Variants in WWOX observed in about 807,000 individuals in gnomAD.
WWOX encodes WW domain containing oxidoreductase, also known as WW domain-containing oxidoreductase.
A neutral mutation model predicts 46.2 loss-of-function variants in WWOX; 69 were observed. The observed-to-expected ratio is 1.49, with a 90% CI of 1.23 to 1.82. The LOEUF is 1.82. WWOX is among the 40% of genes most tolerant of loss of function. The pLI is 0.00. For missense variants in WWOX, 919 were observed against 542.6 expected (o/e 1.69, Z -6.89); for synonymous variants, 359 against 202.6 (o/e 1.77, Z -6.56).
chr16:78,203,569 T>C (rs1288030275), intron 5 of WWOX, among the ~76,000 whole-genome samples: 1 of 152,138 alleles, frequency 6.6e-6, no homozygotes, highest in African/African-American at 2.4e-5. Context: ...CAAACTTGTT[T>C]TAGTTGACAA....
intron 5 of WWOX, among the ~76,000 whole-genome samples, chr16:78,192,959 A>G (rs2035929218): frequency 6.6e-6 from 1 of 152,204 alleles, no homozygotes; most frequent in South Asian, 2.1e-4. Flanking sequence ...GCAAAAATAA[A>G]TGTGTGTTTG....
At chr16:78,915,848 A>G (rs540496975) in intron 8 of WWOX, among the ~76,000 whole-genome samples, 5 of 152,182 alleles carry the variant, frequency 3.3e-5, no homozygotes, top group Non-Finnish European at 5.9e-5. Context: ...TGATCACCAC[A>G]GCTTTATAAC....
At chr16:79,121,936 A>G (rs896162675) in intron 8 of WWOX, among the ~76,000 whole-genome samples, 2 of 152,156 alleles carry the variant, frequency 1.3e-5, no homozygotes, top group African/African-American at 4.8e-5. Flanking sequence ...AGTAACCCTA[A>G]GATTGAACAA....
intron 8 of WWOX, among the ~76,000 whole-genome samples, chr16:78,972,531 G>C (rs2046492133): frequency 6.6e-6 from 1 of 151,742 alleles, no homozygotes; most frequent in Non-Finnish European, 1.5e-5. Flanking sequence ...CCATCTCTGG[G>C]GGAGGGAGGG....
At chr16:78,830,359 C>G (rs1423046435) in intron 8 of WWOX, among the ~76,000 whole-genome samples, 1 of 152,024 alleles carries the variant, frequency 6.6e-6, no homozygotes, top group South Asian at 2.1e-4. Flanking sequence ...ATAATGCCTA[C>G]CTGCTCTTGA....
intron 8 of WWOX, among the ~76,000 whole-genome samples, chr16:78,643,690 T>A (rs1202379236): frequency 6.6e-6 from 1 of 152,146 alleles, no homozygotes; most frequent in Non-Finnish European, 1.5e-5. Flanking sequence ...ATTGTCTCAC[T>A]ATGATATACG....
intron 5 of WWOX, among the ~76,000 whole-genome samples, chr16:78,170,836 T>C (rs2035133013): frequency 1.3e-5 from 2 of 151,890 alleles, no homozygotes; most frequent in South Asian, 4.2e-4. Flanking sequence ...AGCAGAGAGA[T>C]GAGGGGTAAA....
chr16:79,050,041 G>A (rs1052039471), intron 8 of WWOX, among the ~76,000 whole-genome samples: 1 of 152,104 alleles, frequency 6.6e-6, no homozygotes, highest in Admixed American at 6.5e-5. Flanking sequence ...TGGAATGGGA[G>A]GAGTTTAAAC....
At chr16:78,313,966 C>G (rs1263836009) in intron 5 of WWOX, among the ~76,000 whole-genome samples, 1 of 152,178 alleles carries the variant, frequency 6.6e-6, no homozygotes, top group African/African-American at 2.4e-5. Context: ...GTTCAGGAGA[C>G]CAGGTCGAGT....
chr16:78,567,657 G>C (rs953138248), intron 8 of WWOX, among the ~76,000 whole-genome samples: 1 of 151,572 alleles, frequency 6.6e-6, no homozygotes, highest in Admixed American at 6.6e-5. Flanking sequence ...GCCCTTTGCT[G>C]CGTAACTAGG....
intron 8 of WWOX, among the ~76,000 whole-genome samples, chr16:78,988,103 G>A (rs915294098): frequency 1.3e-5 from 2 of 152,240 alleles, no homozygotes; most frequent in African/African-American, 4.8e-5. Flanking sequence ...AGCAGTTTGG[G>A]AGGCCGAGGC....
chr16:79,046,367 C>T (rs932052925), intron 8 of WWOX, among the ~76,000 whole-genome samples: 2 of 152,102 alleles, frequency 1.3e-5, no homozygotes, highest in Non-Finnish European at 2.9e-5. Flanking sequence ...TTCCTGTATC[C>T]TGTTGTCTTT....
chr16:78,751,616 T>C (rs1354486639), intron 8 of WWOX, among the ~76,000 whole-genome samples: 1 of 151,772 alleles, frequency 6.6e-6, no homozygotes, highest in African/African-American at 2.4e-5. Flanking sequence ...GCATGCCTTA[T>C]ATTTATGTAG....
intron 8 of WWOX, among the ~76,000 whole-genome samples, chr16:78,606,619 C>T (rs1039274460): frequency 4.0e-5 from 6 of 150,670 alleles, no homozygotes; most frequent in Non-Finnish European, 7.4e-5. Flanking sequence ...AAGAATGGTG[C>T]GAAAATCAGT....
chr16:78,424,272 C>T (rs765803301), intron 6 of WWOX, among the ~76,000 whole-genome samples: 8 of 151,816 alleles, frequency 5.3e-5, no homozygotes, highest in Non-Finnish European at 8.8e-5. Flanking sequence ...CATATACCAC[C>T]ACACCTGGCT....
At chr16:78,185,466 C>T (rs956294619) in intron 5 of WWOX, among the ~76,000 whole-genome samples, 1 of 151,356 alleles carries the variant, frequency 6.6e-6, no homozygotes, top group Non-Finnish European at 1.5e-5. Flanking sequence ...AGAACTTTTT[C>T]AAGTTGAACT....
intron 8 of WWOX, among the ~76,000 whole-genome samples, chr16:79,124,572 T>G (rs2049710416): frequency 6.6e-6 from 1 of 152,150 alleles, no homozygotes. Flanking sequence ...GTGCATTCCA[T>G]GGCCCTGTCC....
At chr16:79,194,409 G>T (rs1264172819) in intron 8 of WWOX, among the ~76,000 whole-genome samples, 1 of 152,128 alleles carries the variant, frequency 6.6e-6, no homozygotes, top group Non-Finnish European at 1.5e-5. Flanking sequence ...CAGTCTAACA[G>T]CACACACCCA....
chr16:78,928,643 G>T (rs1182169757), intron 8 of WWOX, among the ~76,000 whole-genome samples: 3 of 150,770 alleles, frequency 2.0e-5, no homozygotes, highest in African/African-American at 7.3e-5. Flanking sequence ...ATTCTGAGAA[G>T]GGGTTTCTTT....
Sources: allele counts gnomAD v4.1 joint callset (sites outside exome capture counted in the v4.1 genomes callset), GRCh38; gene constraint gnomAD v4.1.1; transcripts MANE v1.5; gene names NCBI Gene and HGNC (gene_info 2026-07-23, HGNC 2026-07-21).